Variants in SLC25A17 observed in about 807,000 individuals in gnomAD.
SLC25A17 encodes solute carrier family 25 member 17, also known as peroxisomal membrane protein PMP34.
In SLC25A17, 26 loss-of-function variants were observed where a neutral mutation model predicts 38.5. The ratio of observed to expected loss-of-function variants is 0.68; its 90% CI spans 0.50 to 0.94. SLC25A17 has a LOEUF of 0.94. Ranked by LOEUF, SLC25A17 falls within the 40% of genes least tolerant of loss-of-function variation. SLC25A17 has a pLI of 0.00. For synonymous variants in SLC25A17, 139 were observed against 136.2 expected (o/e 1.02, Z -0.14); for missense variants, 333 against 372.7 (o/e 0.89, Z 0.88).
intron 3 of SLC25A17, 95 bp from the exon 4 acceptor site, chr22:40,792,771 C>T: frequency 7.7e-7 from 1 of 1,291,826 alleles, no homozygotes; most frequent in Middle Eastern, 1.9e-4. Context: ...TTCACATGGT[C>T]TCAAGCTTCA....
intron 3 of SLC25A17, 93 bp downstream of exon 3, chr22:40,794,421 G>C: frequency 2.7e-6 from 2 of 746,028 alleles, no homozygotes; most frequent in Non-Finnish European, 4.7e-6. Context: ...TTAGAGTGCT[G>C]TGAGAAAGAT....
At chr22:40,809,557 G>C (rs1437878774) in intron 1 of SLC25A17, among the ~76,000 whole-genome samples, 1 of 152,044 alleles carries the variant, frequency 6.6e-6, no homozygotes, top group Non-Finnish European at 1.5e-5. Context: ...GCTTGAGCCT[G>C]GGCTGTTGGG....
intron 4 of SLC25A17, among the ~76,000 whole-genome samples, chr22:40,786,310 C>CA (rs1294429530): frequency 0.014 from 1,623 of 120,184 alleles, 18 homozygotes; most frequent in African/African-American, 0.027. Context: ...AACCCTGTTG[C>CA]AAAAAAAAAA....
chr22:40,787,767 G>A (rs967905307), intron 4 of SLC25A17, among the ~76,000 whole-genome samples: 5 of 151,708 alleles, frequency 3.3e-5, no homozygotes, highest in Non-Finnish European at 7.4e-5. Context: ...AACAAAGATA[G>A]GCAGGGAAAG....
chr22:40,794,979 G>A lies in SLC25A17; in HGVS notation c.116-399C>T, dbSNP rs557967603. Among the ~76,000 whole-genome samples, 138 of 151,876 alleles carry A rather than the reference G, an allele frequency of 9.1e-4. No individual in the cohort carries two copies. The Middle Eastern group carries it at 0.017, about 19-fold the overall frequency. On this transcript the variant is annotated intron_variant, in intron 2 of 8. Coordinates refer to ENST00000435456, the MANE Select transcript of SLC25A17 (RefSeq NM_006358.4). ...TGTTACCCAGGCTGGTCTCAAACTT[G>A]TGGGCTCAAGGGATCCTCATGCCTC...
intron 1 of SLC25A17, 29 bp downstream of exon 1, chr22:40,819,166 G>A (rs1178856175): frequency 6.2e-7 from 1 of 1,612,834 alleles, no homozygotes; most frequent in South Asian, 1.1e-5. Flanking sequence ...ATAACCCGTT[G>A]CGGCCCGGGC....
chr22:40,778,998 G>C lies in SLC25A17; in HGVS notation c.451+11C>G. On this transcript the variant is annotated intron_variant, in intron 5 of 8. Coordinates refer to ENST00000435456, the MANE Select transcript of SLC25A17 (RefSeq NM_006358.4). ...AACCCTTAAATAGGAATTCAGCAAA[G>C]AGATACTTACCAATGATACCTTTGT... 1 of 1,601,326 alleles carries C rather than the reference G, an allele frequency of 6.2e-7. No homozygotes were observed. Among genetic ancestry groups the C allele is most frequent in the Non-Finnish European group, 8.6e-7 (1 of 1,168,622 alleles).
Position 40,777,313 on chromosome 22 carries a change from G to A in SLC25A17, c.512C>T (p.Pro171Leu), listed in dbSNP as rs2057254601. ...AGGATTGAAGACCAACAGCAATGAG[G>A]GAAATGTGCCATTCCATAAAGCCGA... Reference protein sequence around the residue: ...GISALWNGTFPSLLLVFNPAI... With the variant: ...GISALWNGTFLSLLLVFNPAI... The change falls in exon 6 of 9, where the codon CCC becomes CTC. Residue 171 changes from proline to leucine, a missense_variant. Pro to Leu is a moderately conservative substitution (Grantham distance 98). Coordinates refer to ENST00000435456, the MANE Select transcript of SLC25A17 (RefSeq NM_006358.4). 1.2e-6 allele frequency: 2 copies of A among 1,614,092 alleles called. No homozygotes were observed. Among genetic ancestry groups the A allele is most frequent in the Non-Finnish European group, 1.7e-6 (2 of 1,179,978 alleles).
chr22:40,804,004 T>C (rs2057507080), intron 1 of SLC25A17, among the ~76,000 whole-genome samples: 1 of 152,068 alleles, frequency 6.6e-6, no homozygotes, highest in Non-Finnish European at 1.5e-5. Flanking sequence ...AGAGTTTTGA[T>C]GTGAATAACA....
chr22:40,800,421 C>T (rs1414197487), intron 1 of SLC25A17, among the ~76,000 whole-genome samples: 3 of 152,100 alleles, frequency 2.0e-5, no homozygotes, highest in Non-Finnish European at 4.4e-5. Flanking sequence ...ATTTTAGAGA[C>T]AGTGTCTTGC....
rs564481581 is a variant in SLC25A17, at chr22:40,773,245, T to C, written c.776+692A>G. On this transcript the variant is annotated intron_variant, in intron 8 of 8. Coordinates refer to ENST00000435456, the MANE Select transcript of SLC25A17 (RefSeq NM_006358.4). ...AAACACAGTGAAACCCCATCTCTAC[T>C]AAAAAATACAAAAAATGAGCCAGGC... is the stretch of plus-strand genomic sequence containing the variant. 1.0e-3 allele frequency among the ~76,000 whole-genome samples: 153 copies of C among 151,612 alleles called. 1 individual carries two copies. Among genetic ancestry groups the C allele is most frequent in the African/African-American group, 3.5e-3 (146 of 41,352 alleles).
At chr22:40,773,844 A>G in intron 8 of SLC25A17, 93 bp downstream of exon 8, 2 of 900,296 alleles carry the variant, frequency 2.2e-6, no homozygotes, top group Non-Finnish European at 3.7e-6. Context: ...GCCACCACCA[A>G]GGCAGTAGTG....
intron 1 of SLC25A17, among the ~76,000 whole-genome samples, chr22:40,803,221 G>C (rs1231842698): frequency 6.6e-6 from 1 of 152,134 alleles, no homozygotes. Flanking sequence ...AGATTCCCGA[G>C]TAGCTGGAAC....
At chr22:40,774,220 T>A (rs907662188) in intron 7 of SLC25A17, among the ~76,000 whole-genome samples, 2 of 151,020 alleles carry the variant, frequency 1.3e-5, no homozygotes, top group African/African-American at 4.9e-5. Context: ...ATAAGAAAAA[T>A]TTTTCCTTTT....
chr22:40,776,427 C>T, intron 7 of SLC25A17: 1 of 321,100 alleles, frequency 3.1e-6, no homozygotes, highest in Non-Finnish European at 6.1e-6. Flanking sequence ...CCTGCTGGGG[C>T]ACCAAACCAA....
At position 40,773,971 on chromosome 22, in the gene SLC25A17, G is replaced by A. The variant is rs116622200; in HGVS notation, c.742C>T (p.Arg248Trp). The A allele has an allele frequency of 1.5e-4, 249 of 1,613,262 alleles. No homozygotes were observed. In the African/African-American group the frequency reaches 2.0e-3, roughly 13 times the overall value. The change falls in exon 8 of 9, where the codon CGG becomes TGG. Residue 248 changes from arginine to tryptophan, a missense_variant. Arg to Trp is a moderately radical substitution (Grantham distance 101). Transcript: ENST00000435456. The part of the protein sequence containing the change: ...NPENRTLGSL[R>W]NILYLLHQRV... ...TGGTGAAGAAGATAGAGAATATTCC[G>A]AAGACTTCCCAATGTTCTGTTTTCT...
At chr22:40,805,265 G>A (rs1421229688) in intron 1 of SLC25A17, among the ~76,000 whole-genome samples, 1 of 152,232 alleles carries the variant, frequency 6.6e-6, no homozygotes, top group Non-Finnish European at 1.5e-5. Flanking sequence ...AACCTGGGAG[G>A]CAGGAGAATC....
intron 4 of SLC25A17, among the ~76,000 whole-genome samples, chr22:40,788,554 G>A (rs2057357994): frequency 6.6e-6 from 1 of 152,146 alleles, no homozygotes; most frequent in Non-Finnish European, 1.5e-5. Context: ...AGCCAGGCGT[G>A]GTGGTGTGCG....
intron 1 of SLC25A17, among the ~76,000 whole-genome samples, chr22:40,807,722 C>G (rs898579671): frequency 1.3e-5 from 2 of 152,080 alleles, no homozygotes; most frequent in Non-Finnish European, 2.9e-5. Flanking sequence ...GCACTCCAGA[C>G]TGGGTGACAG....
Sources: gnomAD v4.1 joint callset for allele counts (sites outside exome capture counted in the v4.1 genomes callset) on GRCh38, gnomAD v4.1.1 for gene constraint, MANE v1.5 for transcripts, NCBI Gene and HGNC (gene_info 2026-07-23, HGNC 2026-07-21) for gene names.